Variants in PRKCB observed in about 807,000 individuals in gnomAD.
PRKCB encodes protein kinase C beta type.
Under a neutral mutation model 81.5 loss-of-function variants are expected in PRKCB, and 13 were observed. That is an observed-to-expected ratio of 0.16 (90% confidence interval 0.10 to 0.25). The LOEUF is 0.25. Among genes scored for constraint, PRKCB ranks in the 10% least tolerant of loss-of-function variants. PRKCB has a pLI of 1.00. For missense variants in PRKCB, 509 were observed against 875.7 expected, an observed-to-expected ratio of 0.58 and a Z score of 5.29; for synonymous variants, 335 against 321.4, an observed-to-expected ratio of 1.04 and a Z score of -0.45.
chr16:24,183,322 C>T (rs991246440), intron 13 of PRKCB, among the ~76,000 whole-genome samples: 2 of 152,152 alleles, frequency 1.3e-5, no homozygotes, highest in African/African-American at 4.8e-5. Flanking sequence ...TTTATTGTCT[C>T]ACATACTTAT....
intron 2 of PRKCB, among the ~76,000 whole-genome samples, chr16:23,876,194 C>T (rs1963011651): frequency 6.6e-6 from 1 of 152,174 alleles, no homozygotes; most frequent in Non-Finnish European, 1.5e-5. Context: ...CAGATTCCAA[C>T]CACTCACTCA....
chr16:24,115,044 G>A (rs549047307), intron 8 of PRKCB, among the ~76,000 whole-genome samples: 1 of 152,302 alleles, frequency 6.6e-6, no homozygotes, highest in Admixed American at 6.5e-5. Context: ...CATGTGCAAA[G>A]GCCCTGTGGT....
At position 24,214,964 on chromosome 16, in the gene PRKCB, C is replaced by T; in HGVS notation, c.*148C>T. 6.8e-7 allele frequency: 1 copy of T among 1,472,448 alleles called. No individual in the cohort carries two copies. Among genetic ancestry groups the T allele is most frequent in the South Asian group, 1.4e-5 (1 of 70,904 alleles). 91.2% of individuals were successfully genotyped at this position (1,472,448 alleles called of 1,614,324 possible). ...GACAGTGTTTCAGAACCCAAATGTC[C>T]TCAGGTAGTTTGGAGCATCTCTATG... is the stretch of plus-strand genomic sequence containing the variant. On this transcript the variant is annotated 3_prime_UTR_variant, in exon 17 of 17. Coordinates refer to ENST00000643927, the MANE Select transcript of PRKCB (RefSeq NM_002738.7).
chr16:24,190,116 T>A (rs943582860), intron 15 of PRKCB, among the ~76,000 whole-genome samples: 15 of 152,204 alleles, frequency 9.9e-5, no homozygotes, highest in African/African-American at 3.6e-4. Context: ...AGGGTTTTGA[T>A]AATTAAGTAA....
rs181143867 is a variant in PRKCB at position 24,115,311 on chromosome 16, A to T, written c.918+2242A>T. Among the ~76,000 whole-genome samples, 104 of 144,868 alleles carry T rather than the reference A, an allele frequency of 7.2e-4. 1 individual carries two copies. The highest frequency in any genetic ancestry group is 2.3e-3 in the African/African-American group (95 of 40,754). ...GCATTTATCCAAGAGCATTTATCCCAAAAGTATTTATCCCAATGATTTTAG... is the reference window on the plus strand; with the variant it reads ...GCATTTATCCAAGAGCATTTATCCCTAAAGTATTTATCCCAATGATTTTAG... On this transcript the variant is annotated intron_variant, in intron 8 of 16. Coordinates refer to ENST00000643927, the MANE Select transcript of PRKCB (RefSeq NM_002738.7).
Position 24,191,286 on chromosome 16 carries a change from T to A in PRKCB, c.1863+56T>A, listed in dbSNP as rs190311030. ...TATTCACACACAAGGTATTCTTGCC[T>A]GTGCCTCATGTTTTCCAAATGCTCC... On this transcript the variant is annotated intron_variant, in intron 16 of 16. Transcript: ENST00000643927. 16 of 1,598,270 alleles carry A rather than the reference T, an allele frequency of 1.0e-5. No individual in the cohort carries two copies. The Admixed American group carries it at 1.5e-4, about 15-fold the overall frequency.
At chr16:23,967,252 G>A (rs894141910) in intron 2 of PRKCB, among the ~76,000 whole-genome samples, 14 of 152,292 alleles carry the variant, frequency 9.2e-5, no homozygotes, top group Middle Eastern at 3.4e-3. Flanking sequence ...CAGTGAGTTA[G>A]AATATTCCTT....
chr16:23,930,774 A>T (rs1322161766), intron 2 of PRKCB, among the ~76,000 whole-genome samples: 1 of 152,160 alleles, frequency 6.6e-6, no homozygotes, highest in African/African-American at 2.4e-5. Context: ...TAAAGCTCTT[A>T]GTGCAATACA....
At chr16:24,058,498 C>T (rs1179027245) in intron 5 of PRKCB, among the ~76,000 whole-genome samples, 4 of 151,032 alleles carry the variant, frequency 2.6e-5, no homozygotes, top group Non-Finnish European at 5.9e-5. Flanking sequence ...TACCATGAAA[C>T]GTAACCTTCA....
chr16:23,850,854 G>A (rs959663973), intron 2 of PRKCB, among the ~76,000 whole-genome samples: 1 of 152,010 alleles, frequency 6.6e-6, no homozygotes, highest in Non-Finnish European at 1.5e-5. Flanking sequence ...GTTTTAATTT[G>A]CATTTCCCTA....
At chr16:24,052,692 A>G (rs1160427918) in intron 5 of PRKCB, among the ~76,000 whole-genome samples, 3 of 152,216 alleles carry the variant, frequency 2.0e-5, no homozygotes, top group Non-Finnish European at 4.4e-5. Context: ...TAGCATGCTA[A>G]TGCATTACAA....
chr16:23,863,912 T>TTC lies in PRKCB; in HGVS notation c.205+26522_205+26523dup, dbSNP rs147885919. On this transcript the variant is annotated intron_variant, in intron 2 of 16. Transcript: ENST00000643927. Reference sequence around the variant, plus strand: ...GGAAGTTCAGAGTTCAGTACGTTATTTCTCTCTCTCTCTCTCTTTGTTTAA... The same window carrying TTC: ...GGAAGTTCAGAGTTCAGTACGTTATTTCTCTCTCTCTCTCTCTCTTTGTTTAA... 1.9e-4 allele frequency among the ~76,000 whole-genome samples: 28 copies of TTC among 151,282 alleles called. 1 individual carries two copies. Among genetic ancestry groups the TTC allele is most frequent in the South Asian group, 6.3e-4 (3 of 4,794 alleles).
chr16:23,978,021 T>C (rs1403894900), intron 2 of PRKCB, among the ~76,000 whole-genome samples: 1 of 152,202 alleles, frequency 6.6e-6, no homozygotes, highest in Non-Finnish European at 1.5e-5. Flanking sequence ...CACAACCGTA[T>C]GTGAAATTGG....
chr16:23,901,435 C>T (rs1963470421), intron 2 of PRKCB, among the ~76,000 whole-genome samples: 1 of 152,046 alleles, frequency 6.6e-6, no homozygotes, highest in Non-Finnish European at 1.5e-5. Context: ...ACTACGCAGA[C>T]TGGAAGTTGT....
rs1164824314 is a variant in PRKCB, at chr16:24,108,926, C to T, written c.822-4047C>T. On this transcript the variant is annotated intron_variant, in intron 7 of 16. Transcript: ENST00000643927. ...GGGGCTCCTCACTTCCCAGTAGGGGCGGCCGGGCAGAGGCGCCCCTCACTT... is the reference window on the plus strand; with the variant it reads ...GGGGCTCCTCACTTCCCAGTAGGGGTGGCCGGGCAGAGGCGCCCCTCACTT... 4.0e-5 allele frequency among the ~76,000 whole-genome samples: 6 copies of T among 149,036 alleles called. No homozygotes were observed. The South Asian group carries it at 8.4e-4, about 21-fold the overall frequency.
At chr16:23,881,834 T>TC (rs1399367609) in intron 2 of PRKCB, among the ~76,000 whole-genome samples, 3 of 151,540 alleles carry the variant, frequency 2.0e-5, no homozygotes, top group East Asian at 1.9e-4. Flanking sequence ...CATTTCTTCC[T>TC]CCCCACCGAG....
intron 8 of PRKCB, among the ~76,000 whole-genome samples, chr16:24,123,250 G>A (rs569909575): frequency 6.6e-6 from 1 of 152,304 alleles, no homozygotes; most frequent in East Asian, 1.9e-4. Context: ...TACCACAGTA[G>A]CAGCAGCAGG....
At chr16:24,135,549 G>C (rs1453394479) in intron 9 of PRKCB, among the ~76,000 whole-genome samples, 3 of 152,048 alleles carry the variant, frequency 2.0e-5, no homozygotes, top group African/African-American at 7.3e-5. Flanking sequence ...CTGGCCTCAA[G>C]TGATCCGCCT....
At chr16:23,897,454 C>A (rs1963398190) in intron 2 of PRKCB, among the ~76,000 whole-genome samples, 1 of 152,102 alleles carries the variant, frequency 6.6e-6, no homozygotes, top group Non-Finnish European at 1.5e-5. Context: ...ATAATCAGAT[C>A]AATTTTATAA....
Sources: allele counts gnomAD v4.1 joint callset (sites outside exome capture counted in the v4.1 genomes callset), GRCh38; gene constraint gnomAD v4.1.1; transcripts MANE v1.5; gene names NCBI Gene and HGNC (gene_info 2026-07-23, HGNC 2026-07-21).